MIPOL1: variants seen among roughly 807,000 people sequenced by gnomAD.
The protein encoded by MIPOL1 is mirror-image polydactyly 1, also known as mirror-image polydactyly gene 1 protein.
MIPOL1 carries 57 observed loss-of-function variants against 60.9 expected under a neutral mutation model. The ratio of observed to expected loss-of-function variants is 0.94; its 90% CI spans 0.76 to 1.17. MIPOL1 has a LOEUF of 1.17. Among genes scored for constraint, MIPOL1 ranks in the 50% most tolerant of loss-of-function variants. The pLI is 0.00. For missense variants in MIPOL1, 551 were observed against 511.6 expected, an observed-to-expected ratio of 1.08 and a Z score of -0.74; for synonymous variants, 179 against 168.8, an observed-to-expected ratio of 1.06 and a Z score of -0.47.
chr14:37,495,094 C>CT (rs1398880036), intron 11 of MIPOL1, among the ~76,000 whole-genome samples: 7 of 132,110 alleles, frequency 5.3e-5, no homozygotes, highest in East Asian at 4.6e-4. Context: ...ATCATTGATT[C>CT]TTTTTTTTTC....
At chr14:37,509,528 C>G (rs767639887) in intron 12 of MIPOL1, among the ~76,000 whole-genome samples, 52 of 151,670 alleles carry the variant, frequency 3.4e-4, no homozygotes, top group Admixed American at 1.8e-3. Context: ...TGGGTGCTGG[C>G]AAGAGGAACA....
intron 10 of MIPOL1, among the ~76,000 whole-genome samples, chr14:37,372,900 CT>C (rs67636321): frequency 0.97 from 147,451 of 152,218 alleles, 71,494 homozygotes; most frequent in East Asian, 1. Flanking sequence ...CTGAAAGTTA[CT>C]TTTTTTTAAA....
At chr14:37,449,216 T>C (rs2094383044) in intron 11 of MIPOL1, among the ~76,000 whole-genome samples, 1 of 152,154 alleles carries the variant, frequency 6.6e-6, no homozygotes, top group Admixed American at 6.5e-5. Context: ...AACCTTCCTG[T>C]TAATAAGTTC....
chr14:37,543,631 C>G (rs1451151006), intron 12 of MIPOL1, among the ~76,000 whole-genome samples: 4 of 152,120 alleles, frequency 2.6e-5, no homozygotes, highest in Non-Finnish European at 4.4e-5. Flanking sequence ...TCATCTTAAC[C>G]ATTTTTAAGT....
At chr14:37,217,380 A>G (rs965726051) in intron 1 of MIPOL1, among the ~76,000 whole-genome samples, 1 of 152,230 alleles carries the variant, frequency 6.6e-6, no homozygotes, top group African/African-American at 2.4e-5. Context: ...AGGAGGGAAT[A>G]TTCCAAACAT....
chr14:37,320,094 CTAT>C (rs777868541), intron 9 of MIPOL1, among the ~76,000 whole-genome samples: 7 of 151,996 alleles, frequency 4.6e-5, no homozygotes, highest in Non-Finnish European at 7.4e-5. Flanking sequence ...CATTTTTAAC[CTAT>C]TATGCATGAA....
At chr14:37,432,779 G>A (rs573381686) in intron 11 of MIPOL1, among the ~76,000 whole-genome samples, 4 of 152,008 alleles carry the variant, frequency 2.6e-5, no homozygotes, top group South Asian at 2.1e-4. Flanking sequence ...AATATTTTCC[G>A]TGGTTGCTTT....
At chr14:37,386,566 A>G (rs2093074250) in intron 10 of MIPOL1, among the ~76,000 whole-genome samples, 1 of 151,958 alleles carries the variant, frequency 6.6e-6, no homozygotes, top group Non-Finnish European at 1.5e-5. Flanking sequence ...AAAAAATACA[A>G]GTTTACAGAA....
At chr14:37,375,019 G>T (rs1320572560) in intron 10 of MIPOL1, among the ~76,000 whole-genome samples, 1 of 152,088 alleles carries the variant, frequency 6.6e-6, no homozygotes, top group East Asian at 1.9e-4. Flanking sequence ...CATGAGCATG[G>T]AATGTTTTTC....
chr14:37,323,946 AT>A lies in MIPOL1; in HGVS notation c.828+15430del, dbSNP rs200424249. On this transcript the variant is annotated intron_variant, in intron 9 of 12. Coordinates refer to ENST00000684589, the MANE Select transcript of MIPOL1 (RefSeq NM_001388067.1). Reference sequence around the variant, plus strand: ...GTAATACTTCATTGTTTAATATTACATTTGTTGTTCATTCTCCTGTTGGTGG... The same window carrying A: ...GTAATACTTCATTGTTTAATATTACATTGTTGTTCATTCTCCTGTTGGTGG... 5.9e-3 allele frequency among the ~76,000 whole-genome samples: 892 copies of A among 152,076 alleles called. 12 individuals carry two copies. Among genetic ancestry groups the A allele is most frequent in the African/African-American group, 0.02 (825 of 41,538 alleles).
At chr14:37,477,423 A>G (rs181217407) in intron 11 of MIPOL1, among the ~76,000 whole-genome samples, 67 of 152,180 alleles carry the variant, frequency 4.4e-4, no homozygotes, top group African/African-American at 1.6e-3. Flanking sequence ...CGAATTATTT[A>G]TTTCTCCTTG....
intron 6 of MIPOL1, among the ~76,000 whole-genome samples, chr14:37,280,077 T>A (rs985376053): frequency 6.6e-6 from 1 of 152,172 alleles, no homozygotes; most frequent in East Asian, 1.9e-4. Context: ...CCTAGCATAG[T>A]GTCCTCTAGG....
chr14:37,355,782 A>G (rs1183352755), intron 9 of MIPOL1, among the ~76,000 whole-genome samples: 2 of 150,260 alleles, frequency 1.3e-5, no homozygotes, highest in East Asian at 4.0e-4. Context: ...ACTTCTCTGT[A>G]TTGGGTATTC....
intron 10 of MIPOL1, among the ~76,000 whole-genome samples, chr14:37,379,929 A>G (rs1337254127): frequency 2.6e-5 from 4 of 152,082 alleles, no homozygotes; most frequent in Non-Finnish European, 5.9e-5. Flanking sequence ...TTCTCTTTCT[A>G]TAAGAAATCT....
chr14:37,206,921 C>A (rs965012266), intron 1 of MIPOL1, among the ~76,000 whole-genome samples: 10 of 152,180 alleles, frequency 6.6e-5, no homozygotes, highest in African/African-American at 2.4e-4. Context: ...AACTAACTTG[C>A]TTTTGATTTT....
intron 9 of MIPOL1, among the ~76,000 whole-genome samples, chr14:37,325,064 C>T (rs985150014): frequency 6.6e-6 from 1 of 152,052 alleles, no homozygotes; most frequent in Non-Finnish European, 1.5e-5. Flanking sequence ...TTAATTTCTA[C>T]AAAACACCTG....
rs1024157260 is a variant in MIPOL1 at position 37,485,565 on chromosome 14, G to T, written c.1032-14343G>T. Among the ~76,000 whole-genome samples, 5 of 152,222 alleles carry T rather than the reference G, an allele frequency of 3.3e-5. No homozygotes were observed. In the South Asian group the frequency reaches 1.0e-3, roughly 32 times the overall value. On this transcript the variant is annotated intron_variant, in intron 11 of 12. Coordinates refer to ENST00000684589, the MANE Select transcript of MIPOL1 (RefSeq NM_001388067.1). ...TGGTATCTCATTGTGGTTTTCATTT[G>T]CATTTATCTAATGACCAGTGATGAT...
chr14:37,313,003 C>T (rs7161464), intron 9 of MIPOL1, among the ~76,000 whole-genome samples: 143,534 of 152,202 alleles, frequency 0.94, 68,061 homozygotes, highest in East Asian at 1. Flanking sequence ...TTTGTAGGAC[C>T]TTAGGAGCCA....
intron 11 of MIPOL1, among the ~76,000 whole-genome samples, chr14:37,460,372 A>T (rs566006126): frequency 6.6e-6 from 1 of 152,146 alleles, no homozygotes; most frequent in Non-Finnish European, 1.5e-5. Context: ...CCTCAAAATA[A>T]TAAGAGCCAT....
Sources: gnomAD v4.1 joint callset for allele counts (sites outside exome capture counted in the v4.1 genomes callset) on GRCh38, gnomAD v4.1.1 for gene constraint, MANE v1.5 for transcripts, NCBI Gene and HGNC (gene_info 2026-07-23, HGNC 2026-07-21) for gene names.